Variants in HHIP observed in about 807,000 individuals in gnomAD.
HHIP encodes hedgehog interacting protein.
In HHIP, 12 loss-of-function variants were observed where a neutral mutation model predicts 74.0. That is an observed-to-expected ratio of 0.16 (90% CI 0.10 to 0.26). The LOEUF is 0.26. Ranked by LOEUF, HHIP falls within the 10% of genes least tolerant of loss-of-function variation. The probability of loss-of-function intolerance (pLI) is 1.00; values close to 1 mark genes in which losing one functional copy is unlikely to be tolerated. For missense variants in HHIP, 788 were observed against 845.0 expected (o/e 0.93, Z 0.84); for synonymous variants, 309 against 311.6 (o/e 0.99, Z 0.09).
At chr4:144,651,761 A>AT (rs11464673) in intron 1 of HHIP, among the ~76,000 whole-genome samples, 54,186 of 151,832 alleles carry the variant, frequency 0.36, 10,974 homozygotes, top group South Asian at 0.52. Context: ...AACAAGACCT[A>AT]TCTGTCCACT....
At chr4:144,702,993 G>A (rs1331670236) in intron 4 of HHIP, among the ~76,000 whole-genome samples, 2 of 152,140 alleles carry the variant, frequency 1.3e-5, no homozygotes, top group Non-Finnish European at 2.9e-5. Flanking sequence ...GAGGAGGGCG[G>A]ATCACCTGAG....
intron 4 of HHIP, among the ~76,000 whole-genome samples, chr4:144,672,874 G>A (rs542092214): frequency 3.1e-4 from 47 of 151,994 alleles, no homozygotes; most frequent in African/African-American, 1.0e-3. Context: ...GCTATTTTTT[G>A]TATTTTTAGT....
At position 144,714,296 on chromosome 4, in the gene HHIP, G is replaced by A; in HGVS notation, c.1495G>A (p.Gly499Ser). Residue 499 changes from glycine (G) to serine (S), a missense_variant, in exon 9 of 13, where the codon GGC (glycine) becomes AGC (serine). Coordinates refer to ENST00000296575, the MANE Select transcript of HHIP (RefSeq NM_022475.3). ...TTTGGTTGGTGGATTTGTATACCGG[G>A]GCTGCCAGTCAGAAAGATTGTATGG... is the stretch of plus-strand genomic sequence containing the variant. ...GPLVGGFVYR[G>S]CQSERLYGSY... 3 of 1,613,316 alleles carry A rather than the reference G, an allele frequency of 1.9e-6. No homozygotes were observed. The highest frequency in any genetic ancestry group is 1.1e-5 in the South Asian group (1 of 91,038).
chr4:144,710,439 T>C (rs1332519834), intron 7 of HHIP, among the ~76,000 whole-genome samples: 1 of 152,202 alleles, frequency 6.6e-6, no homozygotes, highest in African/African-American at 2.4e-5. Flanking sequence ...CTATCATGAA[T>C]GAGATCATTG....
intron 2 of HHIP, chr4:144,655,036 A>G (rs972229357): frequency 1.3e-5 from 2 of 152,190 alleles, no homozygotes; most frequent in Non-Finnish European, 2.9e-5. Context: ...GAAGAAATGT[A>G]CATATAAATG....
intron 11 of HHIP, among the ~76,000 whole-genome samples, chr4:144,722,416 A>G (rs979212494): frequency 6.6e-6 from 1 of 152,204 alleles, no homozygotes; most frequent in Non-Finnish European, 1.5e-5. Context: ...GTGTTTAAAT[A>G]ATCTATTTTA....
rs202209034 is a variant in HHIP at position 144,738,537 on chromosome 4, A to T, written c.*580A>T. On this transcript the variant is annotated 3_prime_UTR_variant, in exon 13 of 13. Transcript: ENST00000296575. The stretch of plus-strand genomic sequence containing the variant: ...TACACACTTACCTTTTTATTGGCTG[A>T]GAAATCTGGTTATTTCATCTTAATC... The T allele has an allele frequency of 6.8e-5, 63 of 927,302 alleles. 2 individuals are homozygous for T. The South Asian group carries it at 2.7e-3, about 40-fold the overall frequency. 57.4% of individuals were successfully genotyped at this position (927,302 alleles called of 1,614,324 possible). A position where few individuals can be genotyped will look rare whatever the true frequency, so the allele number is the denominator to read the frequency against.
chr4:144,737,963 G>A lies in HHIP; in HGVS notation c.*6G>A, dbSNP rs1282937094. On this transcript the variant is annotated 3_prime_UTR_variant, in exon 13 of 13. Transcript: ENST00000296575. ...TAACAAGTTACATTGTATAGTTTCT[G>A]GGACTGTTTGAATATTCTATTCCAA... 3 of 1,560,274 alleles carry A rather than the reference G, an allele frequency of 1.9e-6. No individual in the cohort carries two copies. The highest frequency in any genetic ancestry group is 2.6e-6 in the Non-Finnish European group (3 of 1,153,404).
chr4:144,690,970 A>G (rs980057310), intron 4 of HHIP, among the ~76,000 whole-genome samples: 1 of 152,186 alleles, frequency 6.6e-6, no homozygotes, highest in African/African-American at 2.4e-5. Flanking sequence ...GCTCAGCAGC[A>G]GGGGATGCCA....
chr4:144,702,393 G>A (rs1259695353), intron 4 of HHIP, among the ~76,000 whole-genome samples: 1 of 152,116 alleles, frequency 6.6e-6, no homozygotes, highest in African/African-American at 2.4e-5. Context: ...CTGTGAAATT[G>A]CTTTTAAGAG....
chr4:144,690,260 A>T (rs1385822075), intron 4 of HHIP, among the ~76,000 whole-genome samples: 1 of 152,198 alleles, frequency 6.6e-6, no homozygotes, highest in East Asian at 1.9e-4. Context: ...CTAAGTGCTG[A>T]GGTGCAATCA....
chr4:144,715,345 A>T lies in HHIP; in HGVS notation c.1593A>T (p.Gln531His). 1 of 1,613,522 alleles carries T rather than the reference A, an allele frequency of 6.2e-7. No homozygotes were observed. The highest frequency in any genetic ancestry group is 8.5e-7 in the Non-Finnish European group (1 of 1,179,508). ...LQQSPVTKQWQEKPLCLGTSG... is the reference protein window; with the variant it reads ...LQQSPVTKQWHEKPLCLGTSG... The stretch of plus-strand genomic sequence containing the variant: ...AAAGTCCTGTGACAAAGCAGTGGCA[A>T]GAAAAACCACTCTGTCTCGGCACTA... Residue 531 changes from glutamine to histidine, a missense_variant, in exon 10 of 13, where the codon CAA (glutamine) becomes CAT (histidine). This residue lies in a region of HHIP where 343 missense variants were observed against 347.9 expected (regional missense o/e 0.99). Coordinates refer to ENST00000296575, the MANE Select transcript of HHIP (RefSeq NM_022475.3).
intron 4 of HHIP, among the ~76,000 whole-genome samples, chr4:144,680,856 C>T (rs916363435): frequency 1.3e-5 from 2 of 152,076 alleles, no homozygotes; most frequent in African/African-American, 2.4e-5. Flanking sequence ...CAAATGTTTT[C>T]CTATTTACTT....
chr4:144,714,157 T>G, intron 8 of HHIP, 68 bp from the exon 9 acceptor site: 1 of 1,355,016 alleles, frequency 7.4e-7, no homozygotes, highest in Non-Finnish European at 1.1e-6. Flanking sequence ...GTAATTGTTG[T>G]TTGGTGTACA....
chr4:144,655,101 T>C (rs1172057526), intron 2 of HHIP: 1 of 152,222 alleles, frequency 6.6e-6, no homozygotes. Flanking sequence ...CACTTTAGAA[T>C]ATTCATATAC....
rs779701034 is a variant in HHIP, at chr4:144,734,869, A to T, written c.1889A>T (p.Glu630Val). ...TGKCCCSPGW[E>V]GDFCRTAKCE... ...AAGTGCTGCTGCAGTCCAGGCTGGGAGGGGGACTTCTGCAGAACTGGTTAG... is the reference window on the plus strand; with the variant it reads ...AAGTGCTGCTGCAGTCCAGGCTGGGTGGGGGACTTCTGCAGAACTGGTTAG... The change falls in exon 12 of 13, where the codon GAG becomes GTG. Residue 630 changes from glutamate (E) to valine (V), a missense_variant. Transcript: ENST00000296575. The T allele has an allele frequency of 6.2e-7, 1 of 1,611,140 alleles. No homozygotes were observed. Among genetic ancestry groups the T allele is most frequent in the Non-Finnish European group, 8.5e-7 (1 of 1,177,742 alleles).
intron 4 of HHIP, among the ~76,000 whole-genome samples, chr4:144,690,940 C>G (rs539512623): frequency 6.6e-6 from 1 of 152,168 alleles, no homozygotes; most frequent in Admixed American, 6.5e-5. Flanking sequence ...AAGAAAACAG[C>G]TTTATCTGTG....
At chr4:144,707,887 C>T (rs900807131) in intron 6 of HHIP, among the ~76,000 whole-genome samples, 1 of 152,140 alleles carries the variant, frequency 6.6e-6, no homozygotes, top group Non-Finnish European at 1.5e-5. Context: ...ATCCGCCTGG[C>T]CGCATGCCAC....
chr4:144,655,025 T>C (rs903244676), intron 2 of HHIP: 1 of 152,188 alleles, frequency 6.6e-6, no homozygotes, highest in Non-Finnish European at 1.5e-5. Flanking sequence ...GCCCAATGCA[T>C]GAAGAAATGT....
Sources: allele counts gnomAD v4.1 joint callset (sites outside exome capture counted in the v4.1 genomes callset), GRCh38; gene constraint gnomAD v4.1.1; regional missense constraint gnomAD v4.1.1; transcripts MANE v1.5; gene names NCBI Gene and HGNC (gene_info 2026-07-23, HGNC 2026-07-21).